The following PDCD1LG2 variants were observed in gnomAD, a reference collection of about 807,000 sequenced individuals.
The protein encoded by PDCD1LG2 is B7 dendritic cell molecule.
PDCD1LG2 carries 32 observed loss-of-function variants against 28.2 expected under a neutral mutation model. That is an observed-to-expected ratio of 1.13 (90% CI 0.86 to 1.52). The LOEUF is 1.52. Among genes scored for constraint, PDCD1LG2 ranks in the 40% most tolerant of loss-of-function variants. The pLI is 0.00. For missense variants in PDCD1LG2, 385 were observed against 323.8 expected, an observed-to-expected ratio of 1.19 and a Z score of -1.45; for synonymous variants, 116 against 120.2, an observed-to-expected ratio of 0.97 and a Z score of 0.23.
intron 6 of PDCD1LG2, among the ~76,000 whole-genome samples, chr9:5,567,296 G>A (rs1258986506): frequency 6.6e-6 from 1 of 152,226 alleles, no homozygotes; most frequent in Non-Finnish European, 1.5e-5. Context: ...GAAGTGACTT[G>A]CATAAGGTCA....
intron 1 of PDCD1LG2, among the ~76,000 whole-genome samples, chr9:5,511,949 GTGCT>G (rs1352050099): frequency 8.5e-5 from 13 of 152,168 alleles, no homozygotes; most frequent in Non-Finnish European, 1.6e-4. Context: ...TGCTTAGTGG[GTGCT>G]TGCCGAATTG....
At chr9:5,522,676 T>C in intron 2 of PDCD1LG2, 75 bp downstream of exon 2, 2 of 1,369,968 alleles carry the variant, frequency 1.5e-6, no homozygotes, top group South Asian at 2.4e-5. Context: ...AAAATGAGAA[T>C]GTGGCCCTCA....
At chr9:5,568,500 C>T (rs1816710344) in intron 6 of PDCD1LG2, among the ~76,000 whole-genome samples, 1 of 152,204 alleles carries the variant, frequency 6.6e-6, no homozygotes, top group Non-Finnish European at 1.5e-5. Flanking sequence ...CCTACCCCCA[C>T]TCCCACACCC....
intron 5 of PDCD1LG2, among the ~76,000 whole-genome samples, chr9:5,561,694 A>T (rs1422038809): frequency 3.9e-5 from 6 of 152,208 alleles, no homozygotes; most frequent in Non-Finnish European, 8.8e-5. Context: ...AGATCTTCAG[A>T]ACAGTGTTTC....
chr9:5,535,824 A>T (rs902046486), intron 3 of PDCD1LG2, among the ~76,000 whole-genome samples: 3 of 152,174 alleles, frequency 2.0e-5, no homozygotes. Context: ...CTCCAGCACA[A>T]TTGAAAATCT....
chr9:5,511,928 A>G (rs971773025), intron 1 of PDCD1LG2, among the ~76,000 whole-genome samples: 1 of 152,190 alleles, frequency 6.6e-6, no homozygotes, highest in Admixed American at 6.5e-5. Flanking sequence ...GTACCTGGCA[A>G]TACACATAGG....
chr9:5,515,271 A>C (rs1235800159), intron 1 of PDCD1LG2, among the ~76,000 whole-genome samples: 1 of 152,206 alleles, frequency 6.6e-6, no homozygotes, highest in Admixed American at 6.5e-5. Context: ...AGAAAACACA[A>C]GTGAATTTTA....
intron 3 of PDCD1LG2, among the ~76,000 whole-genome samples, chr9:5,545,957 C>T (rs1333722031): frequency 1.3e-5 from 2 of 152,138 alleles, no homozygotes; most frequent in African/African-American, 4.8e-5. Flanking sequence ...CTAAAATTTA[C>T]TCATCTTTTC....
Position 5,549,353 on chromosome 9 carries a change from ACACT to A in PDCD1LG2, c.384_387del (p.His129SerfsTer2), listed in dbSNP as rs778045375. 9.7e-5 allele frequency: 157 copies of A among 1,612,184 alleles called. 2 individuals carry two copies. The South Asian group carries it at 1.0e-3, about 11-fold the overall frequency. ...TGTCCAGCTTCCTACAGGAAAATAAACACTCACATCCTAAAGGTTCCAGAAACAG... is the reference window on the plus strand; with the variant it reads ...TGTCCAGCTTCCTACAGGAAAATAAACACATCCTAAAGGTTCCAGAAACAG... On this transcript the variant is annotated frameshift_variant, in exon 4 of 7. Coordinates refer to ENST00000397747, the MANE Select transcript of PDCD1LG2 (RefSeq NM_025239.4). LOFTEE classifies it high-confidence loss of function.
rs564401352 is a variant in PDCD1LG2, at chr9:5,543,470, C to T, written c.362-5865C>T. Among the ~76,000 whole-genome samples the T allele has an allele frequency of 3.0e-4, 42 of 141,442 alleles. 1 individual carries two copies. The East Asian group carries it at 8.2e-3, about 28-fold the overall frequency. The allele number at this position is 141,442 out of a possible 152,430, so 92.8% of individuals were successfully genotyped here. A position where few individuals can be genotyped will look rare whatever the true frequency, so the allele number is the denominator to read the frequency against. Reference sequence around the variant, plus strand: ...AGGAGAATGGCAGGAACCTGGGAGGCGGATTTTGCAATGAGCAGAGGTCGC... The same window carrying T: ...AGGAGAATGGCAGGAACCTGGGAGGTGGATTTTGCAATGAGCAGAGGTCGC... On this transcript the variant is annotated intron_variant, in intron 3 of 6. Coordinates refer to ENST00000397747, the MANE Select transcript of PDCD1LG2 (RefSeq NM_025239.4).
At chr9:5,553,139 G>A (rs1816371283) in intron 4 of PDCD1LG2, among the ~76,000 whole-genome samples, 1 of 152,102 alleles carries the variant, frequency 6.6e-6, no homozygotes, top group Admixed American at 6.6e-5. Context: ...GGGGAGAGGA[G>A]GGGAGAGGAG....
At chr9:5,553,942 C>A (rs1445955073) in intron 4 of PDCD1LG2, among the ~76,000 whole-genome samples, 2 of 152,116 alleles carry the variant, frequency 1.3e-5, no homozygotes, top group African/African-American at 4.8e-5. Context: ...CCTTTTCTAC[C>A]TCCATGCCTT....
intron 3 of PDCD1LG2, among the ~76,000 whole-genome samples, chr9:5,540,446 T>C (rs1235281366): frequency 5.3e-5 from 8 of 152,058 alleles, no homozygotes. Flanking sequence ...AACAAAAATC[T>C]GGTTATTTGA....
intron 2 of PDCD1LG2, among the ~76,000 whole-genome samples, chr9:5,527,212 G>C (rs1387098219): frequency 6.6e-6 from 1 of 151,954 alleles, no homozygotes; most frequent in Non-Finnish European, 1.5e-5. Context: ...TTTTAAAAAA[G>C]TCTTATGAAT....
At chr9:5,562,579 C>T (rs1010674358) in intron 5 of PDCD1LG2, among the ~76,000 whole-genome samples, 1 of 152,048 alleles carries the variant, frequency 6.6e-6, no homozygotes, top group African/African-American at 2.4e-5. Context: ...AAAATTCAGA[C>T]TTCACCAGTA....
At chr9:5,513,338 C>A (rs757594784) in intron 1 of PDCD1LG2, among the ~76,000 whole-genome samples, 79 of 152,206 alleles carry the variant, frequency 5.2e-4, no homozygotes, top group Non-Finnish European at 9.4e-4. Context: ...CTTCAAAGGC[C>A]CAGTTCAAAT....
intron 3 of PDCD1LG2, among the ~76,000 whole-genome samples, chr9:5,541,723 A>G (rs1333920302): frequency 6.6e-6 from 1 of 152,162 alleles, no homozygotes; most frequent in East Asian, 1.9e-4. Context: ...TACAATCAAT[A>G]TTGTGAAAAT....
At chr9:5,556,898 C>A (rs1473014916) in intron 4 of PDCD1LG2, among the ~76,000 whole-genome samples, 2 of 152,204 alleles carry the variant, frequency 1.3e-5, no homozygotes, top group Non-Finnish European at 2.9e-5. Flanking sequence ...CTTTCCCCAG[C>A]CTCCAGAATT....
At chr9:5,567,263 T>C (rs560503696) in intron 6 of PDCD1LG2, among the ~76,000 whole-genome samples, 2 of 152,346 alleles carry the variant, frequency 1.3e-5, no homozygotes, top group South Asian at 2.1e-4. Flanking sequence ...ATGTGATGGA[T>C]ATGCTCTAAG....
Sources: gnomAD v4.1 joint callset for allele counts (sites outside exome capture counted in the v4.1 genomes callset) on GRCh38, gnomAD v4.1.1 for gene constraint, MANE v1.5 for transcripts, NCBI Gene and HGNC (gene_info 2026-07-23, HGNC 2026-07-21) for gene names.